ARFGEF3: variants seen among roughly 807,000 people sequenced by gnomAD.
ARFGEF3 encodes ARFGEF family member 3.
A neutral mutation model predicts 221.7 loss-of-function variants in ARFGEF3; 96 were observed. The observed-to-expected ratio is 0.43, with a 90% confidence interval of 0.37 to 0.51. The LOEUF (loss-of-function observed/expected upper bound fraction) is 0.51. ARFGEF3 is among the 20% of genes least tolerant of loss of function. The probability of loss-of-function intolerance (pLI) is 0.00; values close to 1 mark genes in which losing one functional copy is unlikely to be tolerated. For synonymous variants in ARFGEF3, 1,145 were observed against 1,126.8 expected (o/e 1.02, Z -0.32); for missense variants, 2,410 against 2,789.9 (o/e 0.86, Z 3.07).
chr6:138,291,941 G>A lies in ARFGEF3; in HGVS notation c.3256G>A (p.Asp1086Asn). The A allele has an allele frequency of 6.6e-7, 1 of 1,522,928 alleles. No individual in the cohort carries two copies. The highest frequency in any genetic ancestry group is 8.8e-7 in the Non-Finnish European group (1 of 1,135,492). The allele number at this position is 1,522,928 out of a possible 1,614,324, so 94.3% of individuals were successfully genotyped here. Residue 1086 changes from aspartate (D) to asparagine (N), a missense_variant, in exon 19 of 34, where the codon GAC becomes AAC. Transcript: ENST00000251691. This position sits in a 1 kb window ranked among gnomAD's most constrained non-coding sequence, Gnocchi z 4.5. ...TGTCGTCCAGCCCCTGTCCATCCAGGACCTCGTCCGGGAAGGCAGCCGGGG... is the reference window on the plus strand; with the variant it reads ...TGTCGTCCAGCCCCTGTCCATCCAGAACCTCGTCCGGGAAGGCAGCCGGGG... ...APVVQPLSIQ[D>N]LVREGSRGRA...
chr6:138,335,611 G>A (rs1346168542), intron 33 of ARFGEF3, among the ~76,000 whole-genome samples: 2 of 151,996 alleles, frequency 1.3e-5, no homozygotes, highest in African/African-American at 4.8e-5. Flanking sequence ...TTGGGAGGCT[G>A]AGCAAGGAGG....
At position 138,336,521 on chromosome 6, in the gene ARFGEF3, T is replaced by C; in HGVS notation, c.*35T>C. On this transcript the variant is annotated 3_prime_UTR_variant, in exon 34 of 34. Transcript: ENST00000251691. ...GTTCTACTCTCCCACCAAATAACAGTAGTGAGGGTTAGAGTCCTGCCAATA... is the reference window on the plus strand; with the variant it reads ...GTTCTACTCTCCCACCAAATAACAGCAGTGAGGGTTAGAGTCCTGCCAATA... 1 of 1,544,712 alleles carries C rather than the reference T, an allele frequency of 6.5e-7. No individual in the cohort carries two copies. The highest frequency in any genetic ancestry group is 8.8e-7 in the Non-Finnish European group (1 of 1,136,780).
intron 2 of ARFGEF3, among the ~76,000 whole-genome samples, chr6:138,201,234 G>A (rs913432062): frequency 7.2e-5 from 11 of 152,162 alleles, no homozygotes; most frequent in Admixed American, 2.0e-4. Flanking sequence ...ATGTAAACTC[G>A]TACAGCCACT....
chr6:138,242,380 G>A (rs140460743), intron 6 of ARFGEF3, among the ~76,000 whole-genome samples: 144 of 152,182 alleles, frequency 9.5e-4, no homozygotes, highest in African/African-American at 3.3e-3. Context: ...TCATAGTTCT[G>A]GATGTACCTA....
In ARFGEF3 at chr6:138,334,057, CA is replaced by C; in HGVS notation, c.5214del (p.Gly1739AlafsTer52). Reference sequence around the variant, plus strand: ...ATGACATCTTGTTAGAAGAGTTTGTCAAAGGCCCCTCTCCTGGAGAGGAAAA... The same window carrying C: ...ATGACATCTTGTTAGAAGAGTTTGTCAAGGCCCCTCTCCTGGAGAGGAAAA... Reference protein sequence around the residue: ...LYDILLEEFVKGPSPGEEKTI... With the variant: ...LYDILLEEFVXGPSPGEEKTI... On this transcript the variant is annotated frameshift_variant, in exon 33 of 34. Transcript: ENST00000251691. LOFTEE classifies it high-confidence loss of function. The surrounding 1 kb of genome is among the most constrained non-coding windows in gnomAD (Gnocchi z 5.1). The C allele has an allele frequency of 6.2e-7, 1 of 1,613,898 alleles. No homozygotes were observed.
At position 138,319,767 on chromosome 6, in the gene ARFGEF3, C is replaced by A; in HGVS notation, c.4539C>A (p.Arg1513=). ...TTCCTGTGATGTCCGTTTGGCTCCGCCGGAGCCATAAAGACCATTCCTACT... is the reference window on the plus strand; with the variant it reads ...TTCCTGTGATGTCCGTTTGGCTCCGACGGAGCCATAAAGACCATTCCTACT... The part of the protein sequence containing the change: ...LLLPVMSVWL[R]RSHKDHSYWD... Residue 1513 remains arginine, a synonymous_variant, in exon 28 of 34, where the codon CGC becomes CGA. Transcript: ENST00000251691. 6.2e-7 allele frequency: 1 copy of A among 1,612,246 alleles called. No homozygotes were observed. Among genetic ancestry groups the A allele is most frequent in the Non-Finnish European group, 8.5e-7 (1 of 1,178,332 alleles).
In ARFGEF3 at chr6:138,204,933, A is replaced by G. The variant is rs963823511; in HGVS notation, c.138-2109A>G. The stretch of plus-strand genomic sequence containing the variant: ...CCATGGCTTGCATGGGGAACAGTTC[A>G]GTGATGTCTCCTGGTGGTGGTGCAA... On this transcript the variant is annotated intron_variant, in intron 2 of 33. Coordinates refer to ENST00000251691, the MANE Select transcript of ARFGEF3 (RefSeq NM_020340.5). 3.3e-5 allele frequency among the ~76,000 whole-genome samples: 5 copies of G among 152,186 alleles called. No individual in the cohort carries two copies. The East Asian group carries it at 5.8e-4, about 18-fold the overall frequency.
intron 20 of ARFGEF3, among the ~76,000 whole-genome samples, chr6:138,294,596 C>T (rs1007519064): frequency 2.6e-5 from 4 of 152,224 alleles, no homozygotes; most frequent in African/African-American, 9.6e-5. Flanking sequence ...CAAAACTGAT[C>T]TCAGAGGCAT....
At chr6:138,242,314 T>C (rs575088504) in intron 6 of ARFGEF3, among the ~76,000 whole-genome samples, 1 of 152,366 alleles carries the variant, frequency 6.6e-6, no homozygotes, top group Admixed American at 6.5e-5. Flanking sequence ...AGTCTGATTA[T>C]TTGTAAATGT....
chr6:138,266,848 C>CAAAAAAAAAAAAAAAAA (rs55638606), intron 12 of ARFGEF3, among the ~76,000 whole-genome samples: 3 of 77,392 alleles, frequency 3.9e-5, no homozygotes, highest in African/African-American at 1.6e-4. Flanking sequence ...GACTCCATCT[C>CAAAAAAAAAAAAAAAAA]AAAAAAAAAA....
Position 138,298,664 on chromosome 6 carries a change from T to C in ARFGEF3, c.3707T>C (p.Ile1236Thr). ...AAGGCTGTTTCCTTCATCCATGACA[T>C]ACTGACAGAAGTCCTCACTGACTGG... ...SQKAVSFIHD[I>T]LTEVLTDWNE... The change falls in exon 22 of 34, where the codon ATA becomes ACA. Residue 1236 changes from isoleucine (I) to threonine (T), a missense_variant. Ile to Thr is a moderately conservative substitution (Grantham distance 89). Around this residue, in one of 5 missense-constraint regions of ARFGEF3, gnomAD observed 723 missense variants for 991.9 expected, o/e 0.73. Coordinates refer to ENST00000251691, the MANE Select transcript of ARFGEF3 (RefSeq NM_020340.5). The C allele has an allele frequency of 3.7e-6, 6 of 1,613,664 alleles. No individual in the cohort carries two copies. Among genetic ancestry groups the C allele is most frequent in the Non-Finnish European group, 5.1e-6 (6 of 1,179,772 alleles).
At chr6:138,335,544 CAA>C (rs113813772) in intron 33 of ARFGEF3, among the ~76,000 whole-genome samples, 3,429 of 126,910 alleles carry the variant, frequency 0.027, 129 homozygotes, top group African/African-American at 0.086. Flanking sequence ...ATCATCTCTA[CAA>C]AAAAAAAAAA....
At chr6:138,267,691 ATACT>A in intron 12 of ARFGEF3, among the ~76,000 whole-genome samples, 1 of 152,208 alleles carries the variant, frequency 6.6e-6, no homozygotes, top group South Asian at 2.1e-4. Flanking sequence ...TTTCAAATCA[ATACT>A]TATTTATAGT....
At chr6:138,220,740 T>G (rs1468979314) in intron 4 of ARFGEF3, among the ~76,000 whole-genome samples, 1 of 152,204 alleles carries the variant, frequency 6.6e-6, no homozygotes, top group Non-Finnish European at 1.5e-5. Context: ...CACAGTAATT[T>G]CTTTTTCCCA....
chr6:138,220,754 TA>T (rs1467834634), intron 4 of ARFGEF3, among the ~76,000 whole-genome samples: 1 of 152,212 alleles, frequency 6.6e-6, no homozygotes, highest in Non-Finnish European at 1.5e-5. Context: ...TTTCCCATCT[TA>T]ATCACATATT....
chr6:138,265,046 G>A (rs958917466), intron 12 of ARFGEF3, among the ~76,000 whole-genome samples: 1 of 151,784 alleles, frequency 6.6e-6, no homozygotes, highest in Non-Finnish European at 1.5e-5. Context: ...TGGGACTACA[G>A]GCGCCCACCA....
intron 22 of ARFGEF3, among the ~76,000 whole-genome samples, chr6:138,300,699 G>A (rs367579287): frequency 2.6e-5 from 4 of 152,204 alleles, no homozygotes; most frequent in East Asian, 3.8e-4. Flanking sequence ...AAAAGACGGG[G>A]AAGCTCAGCA....
rs80318271 is a variant in ARFGEF3, at chr6:138,189,908, C to T, written c.138-17134C>T. Among the ~76,000 whole-genome samples, 664 of 151,872 alleles carry T rather than the reference C, an allele frequency of 4.4e-3. 6 individuals are homozygous for T. Among genetic ancestry groups the T allele is most frequent in the Non-Finnish European group, 8.1e-3 (549 of 67,924 alleles). ...CAGCTGGGCAACATTGCAAAAATCC[C>T]GTCTCTACAAACAACTTTTTAAAAA... On this transcript the variant is annotated intron_variant, in intron 2 of 33. Transcript: ENST00000251691.
chr6:138,254,009 G>A (rs757596098), intron 9 of ARFGEF3, 25 bp downstream of exon 9: 138 of 1,484,922 alleles, frequency 9.3e-5, no homozygotes, highest in Non-Finnish European at 1.1e-4. Flanking sequence ...CTGACGCCCC[G>A]ACGCTGATGC....
Sources: gnomAD v4.1 joint callset for allele counts (sites outside exome capture counted in the v4.1 genomes callset) on GRCh38, gnomAD v4.1.1 for gene constraint, gnomAD v4.1.1 regional missense constraint, Gnocchi (gnomAD v3.1) non-coding constraint, MANE v1.5 for transcripts, NCBI Gene and HGNC (gene_info 2026-07-23, HGNC 2026-07-21) for gene names.